Variants in HACD1 observed in about 807,000 individuals in gnomAD.
HACD1 encodes the protein 3-hydroxyacyl-CoA dehydratase 1, also known as very-long-chain (3R)-3-hydroxyacyl-CoA dehydratase 1.
In HACD1, 41 loss-of-function variants were observed where a neutral mutation model predicts 32.0. The observed-to-expected ratio is 1.28, with a 90% CI of 1.00 to 1.66. The LOEUF (loss-of-function observed/expected upper bound fraction) is 1.66, where lower values mean the gene tolerates loss of function less well. HACD1 is among the 40% of genes most tolerant of loss of function. The pLI is 0.00. For missense variants in HACD1, 396 were observed against 380.1 expected, an observed-to-expected ratio of 1.04 and a Z score of -0.35; for synonymous variants, 142 against 139.0, an observed-to-expected ratio of 1.02 and a Z score of -0.15.
Position 17,594,274 on chromosome 10 carries a change from G to C in HACD1, c.715C>G (p.Pro239Ala), listed in dbSNP as rs782268717. 5.6e-6 allele frequency: 9 copies of C among 1,601,564 alleles called. No individual in the cohort carries two copies. The highest frequency in any genetic ancestry group is 6.0e-6 in the Non-Finnish European group (7 of 1,173,704). The change falls in exon 6 of 7, where the codon CCT (proline) becomes GCT (alanine). Residue 239 changes from proline to alanine, a missense_variant. By Grantham distance (27) the Pro-to-Ala change is conservative (BLOSUM62 -1). Transcript: ENST00000361271. ...KKTGMFSIRLPNKYNVSFDYY... is the reference protein window; with the variant it reads ...KKTGMFSIRLANKYNVSFDYY... ...TCAAAAGAGACATTGTATTTGTTAG[G>C]AAGTCTTATTGAAAACATTCCTGTT...
intron 1 of HACD1, 40 bp downstream of exon 1, chr10:17,617,043 G>C: frequency 7.2e-7 from 1 of 1,380,712 alleles, no homozygotes; most frequent in Non-Finnish European, 9.3e-7. Context: ...CGCGGACCGC[G>C]GCGCGGGGAG....
intron 1 of HACD1, among the ~76,000 whole-genome samples, chr10:17,608,944 C>A (rs1173396999): frequency 1.3e-5 from 2 of 152,052 alleles, no homozygotes; most frequent in East Asian, 3.9e-4. Flanking sequence ...AAAGAAAAAA[C>A]AAACGCTTGA....
chr10:17,598,403 T>C (rs1834024239), intron 5 of HACD1, among the ~76,000 whole-genome samples: 1 of 152,172 alleles, frequency 6.6e-6, no homozygotes, highest in Non-Finnish European at 1.5e-5. Context: ...TTTGAACATG[T>C]ATAATACTTG....
intron 1 of HACD1, among the ~76,000 whole-genome samples, chr10:17,610,100 T>C (rs1313181119): frequency 6.6e-6 from 1 of 151,994 alleles, no homozygotes; most frequent in Non-Finnish European, 1.5e-5. Context: ...TACATAGACA[T>C]GTACATGCAT....
intron 4 of HACD1, among the ~76,000 whole-genome samples, chr10:17,600,430 C>A (rs1834053274): frequency 6.6e-6 from 1 of 152,094 alleles, no homozygotes; most frequent in African/African-American, 2.4e-5. Context: ...ACCTCCACGT[C>A]CTAGGTTCAA....
At chr10:17,614,414 G>C (rs1451256605) in intron 1 of HACD1, among the ~76,000 whole-genome samples, 1 of 152,148 alleles carries the variant, frequency 6.6e-6, no homozygotes, top group Non-Finnish European at 1.5e-5. Flanking sequence ...GTGCCACCAT[G>C]CCCGGCTAAT....
At position 17,590,115 on chromosome 10, in the gene HACD1, T is replaced by C. The variant is rs1833910002; in HGVS notation, c.*249A>G. On this transcript the variant is annotated 3_prime_UTR_variant, in exon 7 of 7. Coordinates refer to ENST00000361271, the MANE Select transcript of HACD1 (RefSeq NM_014241.4). Reference sequence around the variant, plus strand: ...AGCAAAAGTTTTTTTTTCCCCCAGATAATACACCTAATTATTTTCCTAATA... The same window carrying C: ...AGCAAAAGTTTTTTTTTCCCCCAGACAATACACCTAATTATTTTCCTAATA... 3 of 255,634 alleles carry C rather than the reference T, an allele frequency of 1.2e-5. No homozygotes were observed. In the Admixed American group the frequency reaches 1.6e-4, roughly 14 times the overall value. The allele number at this position is 255,634 out of a possible 1,614,324, so 15.8% of individuals were successfully genotyped here.
At chr10:17,591,368 T>C (rs1469254280) in intron 6 of HACD1, among the ~76,000 whole-genome samples, 3 of 152,154 alleles carry the variant, frequency 2.0e-5, no homozygotes, top group Non-Finnish European at 4.4e-5. Context: ...GCAAATTCCA[T>C]GGTCTCAGGT....
chr10:17,613,139 TGTG>T (rs782218487), intron 1 of HACD1, among the ~76,000 whole-genome samples: 5,117 of 125,814 alleles, frequency 0.041, 124 homozygotes, highest in Admixed American at 0.083. Flanking sequence ...TGTGTGTGTG[TGTG>T]TGTGTTTTGT....
At chr10:17,592,622 A>G (rs1833943518) in intron 6 of HACD1, among the ~76,000 whole-genome samples, 1 of 152,118 alleles carries the variant, frequency 6.6e-6, no homozygotes, top group African/African-American at 2.4e-5. Flanking sequence ...CTCCATTTCC[A>G]TGGAGATGCC....
chr10:17,591,332 G>C (rs529564862), intron 6 of HACD1, among the ~76,000 whole-genome samples: 2 of 152,254 alleles, frequency 1.3e-5, no homozygotes, highest in African/African-American at 4.8e-5. Context: ...TTAGGGCCCA[G>C]ATGCATGCTC....
At chr10:17,613,727 A>G (rs1397171802) in intron 1 of HACD1, among the ~76,000 whole-genome samples, 3 of 152,222 alleles carry the variant, frequency 2.0e-5, no homozygotes, top group African/African-American at 7.2e-5. Flanking sequence ...GAAGGGTCAG[A>G]GGGACAGAAT....
chr10:17,604,311 C>T (rs1554816868), intron 1 of HACD1, among the ~76,000 whole-genome samples: 1 of 151,934 alleles, frequency 6.6e-6, no homozygotes, highest in African/African-American at 2.4e-5. Flanking sequence ...CGGTGAAACC[C>T]CGTCTCTACT....
intron 4 of HACD1, among the ~76,000 whole-genome samples, chr10:17,602,241 T>C (rs1588988321): frequency 6.6e-6 from 1 of 152,144 alleles, no homozygotes; most frequent in South Asian, 2.1e-4. Context: ...GGCTGATTTT[T>C]GTATTTTTGG....
intron 6 of HACD1, among the ~76,000 whole-genome samples, chr10:17,591,529 A>G (rs1414956481): frequency 6.6e-6 from 1 of 152,236 alleles, no homozygotes; most frequent in East Asian, 1.9e-4. Flanking sequence ...ACATAAATAC[A>G]TACGTTATTA....
Position 17,617,299 on chromosome 10 carries a change from G to A in HACD1, c.41C>T (p.Ser14Phe). Residue 14 changes from serine (S) to phenylalanine (F), a missense_variant, in exon 1 of 7, where the codon TCT (serine) becomes TTT (phenylalanine). By Grantham distance (155) the Ser-to-Phe change is radical (BLOSUM62 -2). Transcript: ENST00000361271. Reference protein sequence around the residue: ...LTEAAAAGSGSRAAGWAGSPP... With the variant: ...LTEAAAAGSGFRAAGWAGSPP... ...GGACCCTGCCCAGCCTGCAGCCCGA[G>A]AGCCGCTGCCCGCTGCCGCCGCTTC... 6.9e-7 allele frequency: 1 copy of A among 1,452,538 alleles called. No individual in the cohort carries two copies. Among genetic ancestry groups the A allele is most frequent in the Non-Finnish European group, 9.0e-7 (1 of 1,108,598 alleles). The allele number at this position is 1,452,538 out of a possible 1,614,324, so 90.0% of individuals were successfully genotyped here. A position where few individuals can be genotyped will look rare whatever the true frequency, so the allele number is the denominator to read the frequency against.
intron 1 of HACD1, among the ~76,000 whole-genome samples, chr10:17,613,138 G>T (rs1207332766): frequency 1.7e-5 from 2 of 117,760 alleles, no homozygotes; most frequent in Admixed American, 1.0e-4. Flanking sequence ...GTGTGTGTGT[G>T]TGTGTGTGTT....
At chr10:17,601,762 T>C (rs1564507583) in intron 4 of HACD1, among the ~76,000 whole-genome samples, 1 of 152,200 alleles carries the variant, frequency 6.6e-6, no homozygotes, top group Non-Finnish European at 1.5e-5. Flanking sequence ...TGCTCACTGC[T>C]ATCTGCACTA....
intron 6 of HACD1, among the ~76,000 whole-genome samples, chr10:17,593,534 C>T (rs1554815753): frequency 2.6e-5 from 4 of 152,166 alleles, no homozygotes; most frequent in Non-Finnish European, 1.5e-5. Context: ...AGCCTGGTCT[C>T]GAACTCCTGA....
Sources: allele counts gnomAD v4.1 joint callset (sites outside exome capture counted in the v4.1 genomes callset), GRCh38; gene constraint gnomAD v4.1.1; transcripts MANE v1.5; gene names NCBI Gene and HGNC (gene_info 2026-07-23, HGNC 2026-07-21).